The following PLCL1 variants were observed in gnomAD, a reference collection of about 807,000 sequenced individuals.
The protein encoded by PLCL1 is phospholipase C like 1 (inactive).
A neutral mutation model predicts 84.4 loss-of-function variants in PLCL1; 41 were observed. That is an observed-to-expected ratio of 0.49 (90% CI 0.38 to 0.63). The LOEUF (loss-of-function observed/expected upper bound fraction) is 0.63, where lower values mean the gene tolerates loss of function less well. Ranked by LOEUF, PLCL1 falls within the 30% of genes least tolerant of loss-of-function variation. The pLI, the probability that PLCL1 is intolerant of heterozygous loss-of-function variation, is 0.00. For missense variants in PLCL1, 1,206 were observed against 1,367.8 expected, an observed-to-expected ratio of 0.88 and a Z score of 1.87; for synonymous variants, 490 against 488.3, an observed-to-expected ratio of 1.00 and a Z score of -0.05.
At chr2:197,993,283 GC>G (rs1169806675) in intron 1 of PLCL1, among the ~76,000 whole-genome samples, 2 of 152,088 alleles carry the variant, frequency 1.3e-5, no homozygotes, top group Non-Finnish European at 1.5e-5. Flanking sequence ...TTTTTCATGT[GC>G]TTTTTGGCCA....
chr2:197,871,589 G>A (rs918005566), intron 1 of PLCL1, among the ~76,000 whole-genome samples: 1 of 152,068 alleles, frequency 6.6e-6, no homozygotes, highest in Non-Finnish European at 1.5e-5. Context: ...GTCAGCAAGG[G>A]GTGGTTCCTT....
At chr2:198,124,431 A>C (rs962256224) in intron 5 of PLCL1, among the ~76,000 whole-genome samples, 1 of 152,134 alleles carries the variant, frequency 6.6e-6, no homozygotes, top group Non-Finnish European at 1.5e-5. Context: ...CTGCATAAAA[A>C]GCTGGGGGCA....
At chr2:197,966,570 C>T (rs1175708319) in intron 1 of PLCL1, among the ~76,000 whole-genome samples, 5 of 152,140 alleles carry the variant, frequency 3.3e-5, no homozygotes, top group Admixed American at 3.3e-4. Flanking sequence ...GCTCTCCCTT[C>T]CCCAGGCACA....
At chr2:198,081,561 A>G (rs1169833236) in intron 1 of PLCL1, among the ~76,000 whole-genome samples, 1 of 152,230 alleles carries the variant, frequency 6.6e-6, no homozygotes, top group Non-Finnish European at 1.5e-5. Flanking sequence ...ACTGACCACT[A>G]TAGGATAATT....
At chr2:197,987,452 A>G (rs548657768) in intron 1 of PLCL1, among the ~76,000 whole-genome samples, 33 of 152,326 alleles carry the variant, frequency 2.2e-4, no homozygotes, top group Middle Eastern at 6.8e-3. Context: ...ACAAGTCACT[A>G]TAATGCCCTG....
At chr2:197,859,375 AAATTAGATTGAATTTTAAACC>A (rs1273267593) in intron 1 of PLCL1, among the ~76,000 whole-genome samples, 6 of 152,198 alleles carry the variant, frequency 3.9e-5, no homozygotes, top group Non-Finnish European at 8.8e-5. Context: ...TCTGTTGTTT[AAATTAGATTGAATTTTAAACC>A]TACTTATACC....
At chr2:197,901,718 C>T (rs772619210) in intron 1 of PLCL1, among the ~76,000 whole-genome samples, 3 of 152,132 alleles carry the variant, frequency 2.0e-5, no homozygotes, top group Non-Finnish European at 4.4e-5. Flanking sequence ...AAGCTTCAAG[C>T]TCATTAGATT....
chr2:197,960,457 C>T (rs1387749357), intron 1 of PLCL1, among the ~76,000 whole-genome samples: 1 of 152,084 alleles, frequency 6.6e-6, no homozygotes, highest in East Asian at 1.9e-4. Flanking sequence ...TTACTTCAAC[C>T]AGGACAAATA....
At chr2:198,140,280 T>C (rs1694354138) in intron 5 of PLCL1, among the ~76,000 whole-genome samples, 1 of 152,132 alleles carries the variant, frequency 6.6e-6, no homozygotes, top group African/African-American at 2.4e-5. Flanking sequence ...TTATTAATGG[T>C]TTTTTAAATT....
intron 1 of PLCL1, among the ~76,000 whole-genome samples, chr2:197,977,426 A>G (rs1050780078): frequency 2.0e-5 from 3 of 152,300 alleles, no homozygotes; most frequent in South Asian, 2.1e-4. Context: ...TCAACCCACA[A>G]TTAGAACCTC....
chr2:197,928,542 A>G (rs1054207463), intron 1 of PLCL1, among the ~76,000 whole-genome samples: 3 of 152,212 alleles, frequency 2.0e-5, no homozygotes, highest in African/African-American at 7.2e-5. Flanking sequence ...CTGAAGATTT[A>G]TGAAATGGAT....
chr2:198,056,790 C>G (rs1692082531), intron 1 of PLCL1, among the ~76,000 whole-genome samples: 1 of 152,170 alleles, frequency 6.6e-6, no homozygotes, highest in Admixed American at 6.5e-5. Flanking sequence ...GTTGAGACCT[C>G]ACAGTGTAGA....
chr2:197,917,492 T>C (rs920167000), intron 1 of PLCL1, among the ~76,000 whole-genome samples: 10 of 152,202 alleles, frequency 6.6e-5, no homozygotes, highest in Admixed American at 5.2e-4. Flanking sequence ...GTAGGTGAAG[T>C]ACAGAGAATT....
intron 1 of PLCL1, among the ~76,000 whole-genome samples, chr2:197,880,537 A>G (rs1687810004): frequency 6.6e-6 from 1 of 152,180 alleles, no homozygotes; most frequent in African/African-American, 2.4e-5. Flanking sequence ...CTAAGACACA[A>G]TGGAAAACAT....
intron 5 of PLCL1, among the ~76,000 whole-genome samples, chr2:198,120,132 T>A (rs1306086355): frequency 6.6e-6 from 1 of 151,990 alleles, no homozygotes; most frequent in African/African-American, 2.4e-5. Flanking sequence ...GTCCTGTTTT[T>A]CTTACTTCAA....
intron 1 of PLCL1, among the ~76,000 whole-genome samples, chr2:198,027,370 G>A (rs977590441): frequency 9.2e-5 from 14 of 152,240 alleles, no homozygotes; most frequent in African/African-American, 3.4e-4. Context: ...GAATTGGGGA[G>A]ATGCTGTTCA....
intron 1 of PLCL1, among the ~76,000 whole-genome samples, chr2:197,832,724 C>T (rs1452010057): frequency 1.3e-5 from 2 of 152,220 alleles, no homozygotes; most frequent in Non-Finnish European, 2.9e-5. Flanking sequence ...GGCCAGTATA[C>T]CTGATGAACA....
At chr2:197,847,541 A>G (rs1281925197) in intron 1 of PLCL1, among the ~76,000 whole-genome samples, 1 of 152,208 alleles carries the variant, frequency 6.6e-6, no homozygotes, top group Non-Finnish European at 1.5e-5. Flanking sequence ...AGACTCTGAA[A>G]CATGAGTTTT....
chr2:198,114,850 C>A (rs1209381534), intron 5 of PLCL1, among the ~76,000 whole-genome samples: 1 of 151,258 alleles, frequency 6.6e-6, no homozygotes, highest in African/African-American at 2.4e-5. Context: ...TATATACACA[C>A]ATATATGGTA....
Sources: allele counts gnomAD v4.1 joint callset (sites outside exome capture counted in the v4.1 genomes callset), GRCh38; gene constraint gnomAD v4.1.1; transcripts MANE v1.5; gene names NCBI Gene and HGNC (gene_info 2026-07-23, HGNC 2026-07-21).